NSG1: variants seen among roughly 807,000 people sequenced by gnomAD.
The protein encoded by NSG1 is neuronal vesicle trafficking-associated protein 1.
A neutral mutation model predicts 19.3 loss-of-function variants in NSG1; 9 were observed. The ratio of observed to expected loss-of-function variants is 0.47; its 90% CI spans 0.28 to 0.81. The LOEUF is 0.81. Among genes scored for constraint, NSG1 ranks in the 40% least tolerant of loss-of-function variants. The probability of loss-of-function intolerance (pLI) is 0.11; values close to 1 mark genes in which losing one functional copy is unlikely to be tolerated. For synonymous variants in NSG1, 104 were observed against 107.0 expected, an observed-to-expected ratio of 0.97 and a Z score of 0.17; for missense variants, 236 against 242.4, an observed-to-expected ratio of 0.97 and a Z score of 0.18.
rs1724660965 is a variant in NSG1 at position 4,417,759 on chromosome 4, T to C, written c.*324T>C. On this transcript the variant is annotated 3_prime_UTR_variant, in exon 5 of 5. Transcript: ENST00000621129. ...GCGAAGGGTTTGGATCTCAGATAAATGCATTTTGTGGAATTGATTTTCTGA... is the reference window on the plus strand; with the variant it reads ...GCGAAGGGTTTGGATCTCAGATAAACGCATTTTGTGGAATTGATTTTCTGA... The C allele has an allele frequency of 5.5e-6, 2 of 365,846 alleles. No individual in the cohort carries two copies. Among genetic ancestry groups the C allele is most frequent in the Non-Finnish European group, 1.0e-5 (2 of 194,886 alleles). 22.7% of individuals were successfully genotyped at this position (365,846 alleles called of 1,614,324 possible).
At chr4:4,406,401 C>T (rs541165221) in intron 3 of NSG1, among the ~76,000 whole-genome samples, 2 of 152,304 alleles carry the variant, frequency 1.3e-5, no homozygotes, top group South Asian at 4.1e-4. Flanking sequence ...TTTTCAGATG[C>T]ACAGAATAAA....
At chr4:4,405,643 C>T (rs1723813677) in intron 3 of NSG1, among the ~76,000 whole-genome samples, 1 of 152,138 alleles carries the variant, frequency 6.6e-6, no homozygotes, top group African/African-American at 2.4e-5. Flanking sequence ...CCTGCAGTGG[C>T]TGAGGAGACC....
rs976584734 is a variant in NSG1 at position 4,387,117 on chromosome 4, A to C, written c.-83A>C. On this transcript the variant is annotated 5_prime_UTR_variant, in exon 1 of 5. Coordinates refer to ENST00000621129, the MANE Select transcript of NSG1 (RefSeq NM_014392.5). ...CGCCGCCTCCGCCATTGCTGCGAGC[A>C]GGAGCAGGAGACGCGGAGCTCGGAG... is the stretch of plus-strand genomic sequence containing the variant. 1 of 152,308 alleles carries C rather than the reference A, an allele frequency of 6.6e-6. No individual in the cohort carries two copies. The highest frequency in any genetic ancestry group is 1.5e-5 in the Non-Finnish European group (1 of 68,104). 9.4% of individuals were successfully genotyped at this position (152,308 alleles called of 1,614,324 possible).
chr4:4,404,652 T>C (rs1337697506), intron 3 of NSG1, among the ~76,000 whole-genome samples: 1 of 152,242 alleles, frequency 6.6e-6, no homozygotes, highest in African/African-American at 2.4e-5. Context: ...TGCAAGGTCC[T>C]GGAGGAAACG....
intron 2 of NSG1, among the ~76,000 whole-genome samples, chr4:4,391,045 C>T (rs1007068228): frequency 2.0e-5 from 3 of 151,240 alleles, no homozygotes; most frequent in African/African-American, 7.4e-5. Flanking sequence ...ACAGTACCCT[C>T]AGACCTCCTC....
intron 4 of NSG1, among the ~76,000 whole-genome samples, chr4:4,415,107 T>C (rs750319314): frequency 1.3e-5 from 2 of 152,152 alleles, no homozygotes; most frequent in Admixed American, 6.5e-5. Context: ...ACGTTCTTGC[T>C]ATGTTGCCCA....
intron 4 of NSG1, among the ~76,000 whole-genome samples, chr4:4,413,026 T>C (rs1045522008): frequency 2.0e-5 from 3 of 152,254 alleles, no homozygotes; most frequent in Non-Finnish European, 2.9e-5. Context: ...CATGCTGTCC[T>C]TCAGGCTCCC....
At chr4:4,395,544 C>T (rs199852136) in intron 3 of NSG1, among the ~76,000 whole-genome samples, 1 of 152,130 alleles carries the variant, frequency 6.6e-6, no homozygotes, top group African/African-American at 2.4e-5. Context: ...GGGCGGGTCT[C>T]TCTTTCTGAA....
intron 2 of NSG1, among the ~76,000 whole-genome samples, chr4:4,389,142 A>G (rs930814907): frequency 3.3e-5 from 5 of 152,220 alleles, no homozygotes; most frequent in Non-Finnish European, 5.9e-5. Context: ...CAGCACCTCT[A>G]TCAGGTGATT....
chr4:4,398,749 C>G (rs1320105212), intron 3 of NSG1, among the ~76,000 whole-genome samples: 3 of 152,172 alleles, frequency 2.0e-5, no homozygotes, highest in Admixed American at 6.5e-5. Flanking sequence ...CTGCTGTGAA[C>G]ATTCATTTAC....
intron 3 of NSG1, among the ~76,000 whole-genome samples, chr4:4,404,796 C>G (rs547749908): frequency 8.5e-5 from 13 of 152,270 alleles, no homozygotes; most frequent in African/African-American, 2.6e-4. Context: ...AAAAGAGATG[C>G]TGGGCTCCTT....
chr4:4,416,163 C>G (rs759192084), intron 4 of NSG1: 1 of 702,358 alleles, frequency 1.4e-6, no homozygotes, highest in South Asian at 1.5e-5. Context: ...AGGTGAGGGA[C>G]CTGAGATTGA....
chr4:4,387,824 A>G, intron 2 of NSG1, 66 bp downstream of exon 2: 5 of 1,354,938 alleles, frequency 3.7e-6, no homozygotes, highest in Non-Finnish European at 5.2e-6. Flanking sequence ...GGCGGGCGCA[A>G]CAAAAGAAAC....
chr4:4,416,730 C>G (rs1401817275), intron 4 of NSG1, among the ~76,000 whole-genome samples: 5 of 152,116 alleles, frequency 3.3e-5, no homozygotes, highest in Middle Eastern at 3.4e-3. Context: ...CCTAGTGGCT[C>G]TGTGTGCCTC....
At chr4:4,393,031 C>T (rs1723079647) in intron 3 of NSG1, among the ~76,000 whole-genome samples, 1 of 152,176 alleles carries the variant, frequency 6.6e-6, no homozygotes. Context: ...TATCTGCTGC[C>T]ACTCACCTGT....
chr4:4,409,851 G>A (rs983470304), intron 4 of NSG1, among the ~76,000 whole-genome samples, 168 bp downstream of exon 4: 2 of 152,216 alleles, frequency 1.3e-5, no homozygotes, highest in African/African-American at 4.8e-5. Flanking sequence ...CACCTGGAGA[G>A]CAGGGCAGGT....
intron 3 of NSG1, among the ~76,000 whole-genome samples, chr4:4,393,875 G>A (rs1345540989): frequency 6.6e-6 from 1 of 152,060 alleles, no homozygotes; most frequent in African/African-American, 2.4e-5. Flanking sequence ...CCCAGGGCAG[G>A]TGCAGATCAC....
At chr4:4,395,271 A>T (rs898598430) in intron 3 of NSG1, among the ~76,000 whole-genome samples, 5 of 152,170 alleles carry the variant, frequency 3.3e-5, no homozygotes, top group Non-Finnish European at 5.9e-5. Flanking sequence ...TTTAACTTGG[A>T]CCCTGAACCG....
In NSG1 at chr4:4,387,624, G is replaced by A. The variant is rs1271027005; in HGVS notation, c.-6G>A. On this transcript the variant is annotated 5_prime_UTR_variant, in exon 2 of 5. Coordinates refer to ENST00000621129, the MANE Select transcript of NSG1 (RefSeq NM_014392.5). ...CGCAGGCTGCAGCCTCGGAGCTCCCGGAACGATGGTGAAGTTGGGGAACAA... is the reference window on the plus strand; with the variant it reads ...CGCAGGCTGCAGCCTCGGAGCTCCCAGAACGATGGTGAAGTTGGGGAACAA... 1.3e-6 allele frequency: 2 copies of A among 1,590,774 alleles called. No individual in the cohort carries two copies. Among genetic ancestry groups the A allele is most frequent in the Non-Finnish European group, 8.6e-7 (1 of 1,165,848 alleles).
Sources: gnomAD v4.1 joint callset for allele counts (sites outside exome capture counted in the v4.1 genomes callset) on GRCh38, gnomAD v4.1.1 for gene constraint, MANE v1.5 for transcripts, NCBI Gene and HGNC (gene_info 2026-07-23, HGNC 2026-07-21) for gene names.